The following SEC11C variants were observed in gnomAD, a reference collection of about 807,000 sequenced individuals.
SEC11C encodes the protein SEC11 homolog C, signal peptidase complex subunit, also known as signal peptidase complex catalytic subunit SEC11C.
In SEC11C, 10 loss-of-function variants were observed where a neutral mutation model predicts 21.9. The observed-to-expected ratio is 0.46, with a 90% CI of 0.28 to 0.77. The LOEUF is 0.77. SEC11C is among the 30% of genes least tolerant of loss of function. SEC11C has a pLI of 0.12. For missense variants in SEC11C, 145 were observed against 244.5 expected (o/e 0.59, Z 2.71); for synonymous variants, 83 against 85.6 (o/e 0.97, Z 0.17).
intron 5 of SEC11C, 111 bp downstream of exon 5, chr18:59,157,776 G>GC (rs1001398301): frequency 1.4e-6 from 1 of 723,180 alleles, no homozygotes; most frequent in African/African-American, 1.8e-5. Flanking sequence ...TAATAGGCCT[G>GC]CAGAATATCT....
intron 3 of SEC11C, chr18:59,153,432 A>C (rs1174249743): frequency 6.6e-6 from 1 of 152,160 alleles, no homozygotes; most frequent in Non-Finnish European, 1.5e-5. Flanking sequence ...AAATTTAGGT[A>C]TGCATAGGTA....
At position 59,152,617 on chromosome 18, in the gene SEC11C, A is replaced by T. The variant is rs1413065280; in HGVS notation, c.279A>T (p.Glu93Asp). 2 of 1,613,652 alleles carry T rather than the reference A, an allele frequency of 1.2e-6. No individual in the cohort carries two copies. ...NFREDPIRAG[E>D]IVVFKVEGRD... ...GGGAAGACCCAATCAGAGCTGGTGA[A>T]ATAGTTGTTTTTAAAGTTGAAGGAC... is the stretch of plus-strand genomic sequence containing the variant. The change falls in exon 3 of 6, where the codon GAA becomes GAT. Residue 93 changes from glutamate (E) to aspartate (D), a missense_variant. Glu to Asp is a conservative substitution (Grantham distance 45, BLOSUM62 2). Transcript: ENST00000587834.
At chr18:59,140,089 G>T (rs1001026410) in intron 1 of SEC11C, 54 bp downstream of exon 1, 6 of 1,462,758 alleles carry the variant, frequency 4.1e-6, no homozygotes, top group Non-Finnish European at 4.6e-6. Flanking sequence ...GTGCTAGCGG[G>T]GAGTCGGGGC....
chr18:59,143,050 C>T (rs554229374), intron 1 of SEC11C, among the ~76,000 whole-genome samples: 15 of 151,970 alleles, frequency 9.9e-5, no homozygotes, highest in African/African-American at 2.9e-4. Context: ...GTAGCCAAGT[C>T]GCTTTTAAAA....
At chr18:59,150,621 G>C (rs189769982) in intron 2 of SEC11C, among the ~76,000 whole-genome samples, 105 of 152,322 alleles carry the variant, frequency 6.9e-4, no homozygotes, top group African/African-American at 2.4e-3. Context: ...GTGGGGAGAA[G>C]GGAAGCACAC....
At chr18:59,152,081 C>T (rs1282817076) in intron 2 of SEC11C, among the ~76,000 whole-genome samples, 1 of 152,034 alleles carries the variant, frequency 6.6e-6, no homozygotes, top group Non-Finnish European at 1.5e-5. Context: ...GGTCCTGCTC[C>T]CCAAGTGCAT....
chr18:59,148,810 G>C (rs939987090), intron 1 of SEC11C, among the ~76,000 whole-genome samples: 36 of 152,040 alleles, frequency 2.4e-4, no homozygotes, highest in Non-Finnish European at 4.7e-4. Flanking sequence ...GTAGAGACGG[G>C]GTTTCACCGG....
intron 2 of SEC11C, among the ~76,000 whole-genome samples, chr18:59,151,716 C>G (rs901788792): frequency 1.3e-5 from 2 of 152,172 alleles, no homozygotes; most frequent in African/African-American, 4.8e-5. Context: ...GTGGTTCATT[C>G]TCCTCAGGTT....
intron 3 of SEC11C, 104 bp downstream of exon 3, chr18:59,152,789 C>A: frequency 1.0e-6 from 1 of 995,686 alleles, no homozygotes; most frequent in Non-Finnish European, 1.4e-6. Context: ...TGAGTTCTGC[C>A]ATTGACTCAC....
chr18:59,153,465 T>C (rs1157807041), intron 3 of SEC11C: 1 of 147,170 alleles, frequency 6.8e-6, no homozygotes, highest in Non-Finnish European at 1.5e-5. Flanking sequence ...ATGGAGCATT[T>C]CTCACTGTGT....
At chr18:59,155,990 A>G (rs2069413868) in intron 4 of SEC11C, 183 bp downstream of exon 4, 4 of 601,218 alleles carry the variant, frequency 6.7e-6, no homozygotes, top group Non-Finnish European at 1.1e-5. Flanking sequence ...CTAAAATCTA[A>G]AACTGAACCC....
intron 3 of SEC11C, 56 bp downstream of exon 3, chr18:59,152,741 G>A (rs2069372602): frequency 6.9e-7 from 1 of 1,456,912 alleles, no homozygotes; most frequent in African/African-American, 1.4e-5. Context: ...GTAGATTCAT[G>A]GCTAATTAGA....
chr18:59,143,352 CAAAAAAAAAA>C (rs36204971), intron 1 of SEC11C, among the ~76,000 whole-genome samples: 10 of 111,178 alleles, frequency 9.0e-5, no homozygotes, highest in Admixed American at 1.9e-4. Flanking sequence ...GACTCCATTT[CAAAAAAAAAA>C]AAAAAAAAAA....
chr18:59,158,508 G>A lies in SEC11C; in HGVS notation c.526-124G>A, dbSNP rs189284697. 71 of 764,148 alleles carry A rather than the reference G, an allele frequency of 9.3e-5. No individual in the cohort carries two copies. The African/African-American group carries it at 9.9e-4, about 11-fold the overall frequency. 47.3% of individuals were successfully genotyped at this position (764,148 alleles called of 1,614,324 possible). On this transcript the variant is annotated intron_variant, in intron 5 of 5. Coordinates refer to ENST00000587834, the MANE Select transcript of SEC11C (RefSeq NM_033280.4). ...AGCTCATTTAGAGAACAAGCCATGG[G>A]GGGAAGAGGTAATCTTTTGATTCTG...
chr18:59,157,560 A>C, intron 4 of SEC11C, 48 bp from the exon 5 acceptor site: 1 of 1,256,400 alleles, frequency 8.0e-7, no homozygotes, highest in East Asian at 2.3e-5. Flanking sequence ...TGCCATCATC[A>C]TGTTATAAGC....
At chr18:59,155,520 T>C in intron 3 of SEC11C, 168 bp from the exon 4 acceptor site, 2 of 575,804 alleles carry the variant, frequency 3.5e-6, no homozygotes, top group Non-Finnish European at 2.9e-6. Context: ...TGTGCTTCAG[T>C]TGAATGGTTG....
chr18:59,145,720 AG>A (rs2069266903), intron 1 of SEC11C, among the ~76,000 whole-genome samples: 1 of 152,228 alleles, frequency 6.6e-6, no homozygotes, highest in Non-Finnish European at 1.5e-5. Flanking sequence ...AAACCAGTAC[AG>A]TCAAGCACCA....
intron 1 of SEC11C, among the ~76,000 whole-genome samples, chr18:59,146,197 C>G (rs1252894529): frequency 1.3e-5 from 2 of 151,990 alleles, no homozygotes; most frequent in African/African-American, 4.8e-5. Flanking sequence ...TGGACAAACT[C>G]CAGACGTGTT....
chr18:59,158,210 C>T (rs867074244), intron 5 of SEC11C, among the ~76,000 whole-genome samples: 12 of 152,110 alleles, frequency 7.9e-5, no homozygotes, highest in African/African-American at 1.4e-4. Flanking sequence ...TGCCCGCCAC[C>T]ACACCCAGCT....
Sources: allele counts gnomAD v4.1 joint callset (sites outside exome capture counted in the v4.1 genomes callset), GRCh38; gene constraint gnomAD v4.1.1; transcripts MANE v1.5; gene names NCBI Gene and HGNC (gene_info 2026-07-23, HGNC 2026-07-21).